The following PCED1B variants were observed in gnomAD, a reference collection of about 807,000 sequenced individuals.
The protein encoded by PCED1B is PC-esterase domain-containing protein 1B.
For synonymous variants in PCED1B, 251 were observed against 246.1 expected (o/e 1.02, Z -0.19); for missense variants, 573 against 573.9 (o/e 1.00, Z 0.02).
chr12:47,093,604 C>CA (rs1938356434), intron 1 of PCED1B, among the ~76,000 whole-genome samples: 1 of 151,754 alleles, frequency 6.6e-6, no homozygotes, highest in South Asian at 2.1e-4. Flanking sequence ...TTCTAAGCAC[C>CA]ATTTTAGTTT....
intron 2 of PCED1B, among the ~76,000 whole-genome samples, chr12:47,109,355 CTT>C (rs66532090): frequency 0.82 from 120,407 of 147,720 alleles, 49,774 homozygotes; most frequent in South Asian, 0.92. Flanking sequence ...ACTTGAAAAA[CTT>C]TTTTTTTTTT....
At chr12:47,173,751 T>C (rs1456056841) in intron 2 of PCED1B, among the ~76,000 whole-genome samples, 14 of 152,190 alleles carry the variant, frequency 9.2e-5, no homozygotes, top group Admixed American at 9.2e-4. Context: ...ATAAGAGAGA[T>C]TATCTTCATC....
chr12:47,090,223 A>G (rs75812521), intron 1 of PCED1B, among the ~76,000 whole-genome samples: 2,717 of 152,288 alleles, frequency 0.018, 82 homozygotes, highest in African/African-American at 0.062. Context: ...TGGTAGAATG[A>G]TGATCACACA....
intron 2 of PCED1B, among the ~76,000 whole-genome samples, chr12:47,134,978 T>C (rs1940291526): frequency 6.6e-6 from 1 of 152,280 alleles, no homozygotes; most frequent in African/African-American, 2.4e-5. Flanking sequence ...TCACTCATTT[T>C]TTAACTTATT....
intron 2 of PCED1B, among the ~76,000 whole-genome samples, chr12:47,161,546 A>G (rs1352621233): frequency 6.6e-6 from 1 of 152,224 alleles, no homozygotes; most frequent in Non-Finnish European, 1.5e-5. Flanking sequence ...TTCTATAAAG[A>G]AATACCTGAG....
chr12:47,110,619 T>C (rs544159362), intron 2 of PCED1B, among the ~76,000 whole-genome samples: 1 of 152,318 alleles, frequency 6.6e-6, no homozygotes, highest in African/African-American at 2.4e-5. Context: ...GCAGAATCTA[T>C]AAATGCAAGA....
At chr12:47,193,766 T>C (rs934448540) in intron 2 of PCED1B, among the ~76,000 whole-genome samples, 4 of 152,228 alleles carry the variant, frequency 2.6e-5, no homozygotes, top group East Asian at 1.9e-4. Context: ...GGCAACCAAA[T>C]AGTCTCCAAG....
chr12:47,195,284 A>G lies in PCED1B; in HGVS notation c.-525-20938A>G, dbSNP rs1423674308. Among the ~76,000 whole-genome samples the G allele has an allele frequency of 2.6e-5, 4 of 151,470 alleles. 1 individual carries two copies. Among genetic ancestry groups the G allele is most frequent in the African/African-American group, 9.7e-5 (4 of 41,270 alleles). On this transcript the variant is annotated intron_variant, in intron 2 of 3. Transcript: ENST00000546455. The stretch of plus-strand genomic sequence containing the variant: ...GCGGAGGTTGCAGTGAGCCGAGATC[A>G]TGCCACTGCACTCCAGCCTGGGCGA...
At chr12:47,174,834 A>G (rs570162043) in intron 2 of PCED1B, among the ~76,000 whole-genome samples, 1 of 152,318 alleles carries the variant, frequency 6.6e-6, no homozygotes, top group African/African-American at 2.4e-5. Flanking sequence ...CACTTAGACT[A>G]TTAACTTGAG....
intron 2 of PCED1B, among the ~76,000 whole-genome samples, chr12:47,160,442 T>C (rs1377106847): frequency 6.6e-6 from 1 of 151,704 alleles, no homozygotes; most frequent in Non-Finnish European, 1.5e-5. Flanking sequence ...GCTAGGATTA[T>C]AGGAATGCAC....
At chr12:47,164,957 G>A (rs1941498278) in intron 2 of PCED1B, among the ~76,000 whole-genome samples, 1 of 152,170 alleles carries the variant, frequency 6.6e-6, no homozygotes, top group African/African-American at 2.4e-5. Flanking sequence ...GGGAATAGTT[G>A]GAACTGTCCC....
At chr12:47,170,456 G>A (rs7958922) in intron 2 of PCED1B, among the ~76,000 whole-genome samples, 89,126 of 151,312 alleles carry the variant, frequency 0.59, 26,926 homozygotes, top group South Asian at 0.71. Context: ...CTCACTTCCC[G>A]GACAGGGCAA....
At chr12:47,108,832 A>C (rs1939070639) in intron 2 of PCED1B, among the ~76,000 whole-genome samples, 1 of 152,236 alleles carries the variant, frequency 6.6e-6, no homozygotes, top group South Asian at 2.1e-4. Context: ...TGGGAAGCCA[A>C]GGCAAGATTA....
intron 3 of PCED1B, among the ~76,000 whole-genome samples, chr12:47,220,517 T>C (rs1165840397): frequency 6.6e-6 from 1 of 152,166 alleles, no homozygotes; most frequent in Non-Finnish European, 1.5e-5. Flanking sequence ...AGTTTACTTA[T>C]CTATAAAATG....
chr12:47,200,063 G>C (rs1942718153), intron 2 of PCED1B, among the ~76,000 whole-genome samples: 1 of 152,080 alleles, frequency 6.6e-6, no homozygotes, highest in African/African-American at 2.4e-5. Flanking sequence ...AGCCAGGTAT[G>C]GTGGCACAAG....
At chr12:47,137,983 G>A (rs1184572887) in intron 2 of PCED1B, among the ~76,000 whole-genome samples, 1 of 152,064 alleles carries the variant, frequency 6.6e-6, no homozygotes, top group African/African-American at 2.4e-5. Context: ...TTTTGAAATT[G>A]CCTATGAACA....
At chr12:47,220,518 C>G (rs1436723754) in intron 3 of PCED1B, among the ~76,000 whole-genome samples, 1 of 152,174 alleles carries the variant, frequency 6.6e-6, no homozygotes, top group Non-Finnish European at 1.5e-5. Flanking sequence ...GTTTACTTAT[C>G]TATAAAATGG....
chr12:47,180,421 G>A (rs1942057830), intron 2 of PCED1B, among the ~76,000 whole-genome samples: 1 of 152,160 alleles, frequency 6.6e-6, no homozygotes, highest in Non-Finnish European at 1.5e-5. Flanking sequence ...CTAGCCATGT[G>A]CAGAAAATTG....
chr12:47,234,889 C>T, intron 3 of PCED1B, 118 bp from the exon 4 acceptor site: 1 of 493,122 alleles, frequency 2.0e-6, no homozygotes, highest in Admixed American at 3.8e-5. Context: ...CAGGTCCACT[C>T]CCTCAGGGCA....
Sources: gnomAD v4.1 joint callset for allele counts (sites outside exome capture counted in the v4.1 genomes callset) on GRCh38, gnomAD v4.1.1 for gene constraint, MANE v1.5 for transcripts, NCBI Gene and HGNC (gene_info 2026-07-23, HGNC 2026-07-21) for gene names.